Variants in CRAT observed in about 807,000 individuals in gnomAD.
CRAT encodes the protein carnitine O-acetyltransferase.
A neutral mutation model predicts 73.7 loss-of-function variants in CRAT; 66 were observed. The observed-to-expected ratio is 0.90, with a 90% CI of 0.73 to 1.10. CRAT has a LOEUF of 1.10. Among genes scored for constraint, CRAT ranks in the 50% least tolerant of loss-of-function variants. The pLI is 0.00. For synonymous variants in CRAT, 321 were observed against 343.2 expected (o/e 0.94, Z 0.71); for missense variants, 745 against 846.9 (o/e 0.88, Z 1.49).
chr9:129,105,303 G>T (rs113677366), intron 2 of CRAT, among the ~76,000 whole-genome samples: 1 of 152,054 alleles, frequency 6.6e-6, no homozygotes, highest in African/African-American at 2.4e-5. Context: ...AAAGGGAAGG[G>T]TCTACAAAAA....
At chr9:129,098,195 C>T (rs1847412547) in intron 10 of CRAT, 47 bp from the exon 11 acceptor site, 1 of 1,612,650 alleles carries the variant, frequency 6.2e-7, no homozygotes, top group African/African-American at 1.3e-5. Context: ...CGGGCACCCC[C>T]TCCCCTGCCC....
intron 1 of CRAT, chr9:129,109,064 TGA>T: frequency 7.9e-7 from 1 of 1,262,446 alleles, no homozygotes; most frequent in South Asian, 1.4e-5. Context: ...GGGGAGCAGG[TGA>T]GAGGGCTAGT....
intron 1 of CRAT, 113 bp from the exon 2 acceptor site, chr9:129,108,190 C>A: frequency 7.4e-7 from 1 of 1,360,494 alleles, no homozygotes; most frequent in Admixed American, 2.9e-5. Flanking sequence ...GAGACGGCCT[C>A]TTGGGTGGGG....
Position 129,103,315 on chromosome 9 carries a change from A to T in CRAT, c.411-249T>A, listed in dbSNP as rs1211684876. Reference sequence around the variant, plus strand: ...TGCTGGTGGCCAAGGGCCTAGTAGGACTTGGGTGCTGGCCCCCTGCAGCTG... The same window carrying T: ...TGCTGGTGGCCAAGGGCCTAGTAGGTCTTGGGTGCTGGCCCCCTGCAGCTG... On this transcript the variant is annotated intron_variant, in intron 3 of 13. Transcript: ENST00000318080. This position sits in a 1 kb window ranked among gnomAD's most constrained non-coding sequence, Gnocchi z 4.6. Among the ~76,000 whole-genome samples, 1 of 152,108 alleles carries T rather than the reference A, an allele frequency of 6.6e-6. No homozygotes were observed. The highest frequency in any genetic ancestry group is 1.5e-5 in the Non-Finnish European group (1 of 68,008).
At chr9:129,108,591 G>T in intron 1 of CRAT, 1 of 1,070,182 alleles carries the variant, frequency 9.3e-7, no homozygotes, top group Non-Finnish European at 1.2e-6. Flanking sequence ...GATGGGGCAG[G>T]GGTGGGGTGA....
At position 129,099,876 on chromosome 9, in the gene CRAT, T is replaced by C. The variant is rs373965338; in HGVS notation, c.1075A>G (p.Ile359Val). 1 of 1,613,276 alleles carries C rather than the reference T, an allele frequency of 6.2e-7. No homozygotes were observed. Among genetic ancestry groups the C allele is most frequent in the Non-Finnish European group, 8.5e-7 (1 of 1,179,576 alleles). ...TGTGACTGTACTCACGTGTACTCGA[T>C]GACATAGTCCAGAAGGGTGACAATA... is the stretch of plus-strand genomic sequence containing the variant. ...PPIVTLLDYVIEYTKKPELVR... is the reference protein window; with the variant it reads ...PPIVTLLDYVVEYTKKPELVR... The change falls in exon 8 of 14, where the codon ATC becomes GTC. Residue 359 changes from isoleucine to valine, a missense_variant. Coordinates refer to ENST00000318080, the MANE Select transcript of CRAT (RefSeq NM_000755.5).
chr9:129,108,297 G>T, intron 1 of CRAT: 1 of 1,084,486 alleles, frequency 9.2e-7, no homozygotes, highest in Non-Finnish European at 1.2e-6. Flanking sequence ...GTGTGGCCAT[G>T]GTTCTTAGCA....
In CRAT at chr9:129,104,168, C is replaced by G; in HGVS notation, c.410+20G>C. The G allele has an allele frequency of 6.3e-7, 1 of 1,588,330 alleles. No individual in the cohort carries two copies. The highest frequency in any genetic ancestry group is 8.6e-7 in the Non-Finnish European group (1 of 1,165,314). On this transcript the variant is annotated intron_variant, in intron 3 of 13. Coordinates refer to ENST00000318080, the MANE Select transcript of CRAT (RefSeq NM_000755.5). Reference sequence around the variant, plus strand: ...CGAGGGGCCCGGCTGCCTCCTGGCCCCCAAACCCCAGCCACTCACCGGAGC... The same window carrying G: ...CGAGGGGCCCGGCTGCCTCCTGGCCGCCAAACCCCAGCCACTCACCGGAGC...
At chr9:129,100,147 C>T in intron 7 of CRAT, 181 bp from the exon 8 acceptor site, 1 of 592,488 alleles carries the variant, frequency 1.7e-6, no homozygotes, top group South Asian at 2.1e-5. Flanking sequence ...AAGCACATCC[C>T]ACGCTCAGCG....
chr9:129,102,715 TG>T, intron 4 of CRAT, 150 bp from the exon 5 acceptor site: 1 of 966,306 alleles, frequency 1.0e-6, no homozygotes, highest in Non-Finnish European at 1.6e-6. Flanking sequence ...GGCTGTGCTG[TG>T]GGCAGGGGGC....
intron 8 of CRAT, among the ~76,000 whole-genome samples, chr9:129,099,311 T>A (rs1847507107): frequency 6.6e-6 from 1 of 151,828 alleles, no homozygotes; most frequent in South Asian, 2.1e-4. Flanking sequence ...CCTGGCTAAT[T>A]TTTGTAGAGA....
chr9:129,100,352 G>C, intron 7 of CRAT, 159 bp downstream of exon 7: 1 of 874,642 alleles, frequency 1.1e-6, no homozygotes, highest in Non-Finnish European at 1.7e-6. Context: ...TGACAGGCTG[G>C]CTGCCTGGTA....
At chr9:129,095,724 G>T in intron 13 of CRAT, 112 bp from the exon 14 acceptor site, 2 of 1,148,096 alleles carry the variant, frequency 1.7e-6, no homozygotes, top group Non-Finnish European at 2.5e-6. Flanking sequence ...CAGGGATCAT[G>T]GTCTGTCCCC....
Position 129,095,466 on chromosome 9 carries a change from C to T in CRAT, c.1812G>A (p.Ala604=), listed in dbSNP as rs925634795. ...CCAGGAGCGCCTTCTCCAGGTAATG[C>T]GCCAGGCGGGCGGCGTTGGTCTCCG... ...SCAETNAARL[A]HYLEKALLDM... The change falls in exon 14 of 14, where the codon GCG becomes GCA. Residue 604 remains alanine (A), a synonymous_variant. Transcript: ENST00000318080. 5.6e-6 allele frequency: 9 copies of T among 1,613,298 alleles called. No individual in the cohort carries two copies. The highest frequency in any genetic ancestry group is 3.3e-5 in the South Asian group (3 of 91,090).
chr9:129,107,453 G>A lies in CRAT; in HGVS notation c.291+361C>T, dbSNP rs367911314. 1.1e-4 allele frequency: 64 copies of A among 597,592 alleles called. 1 individual carries two copies. The African/African-American group carries it at 1.1e-3, about 10-fold the overall frequency. The allele number at this position is 597,592 out of a possible 1,614,324, so 37.0% of individuals were successfully genotyped here. A position where few individuals can be genotyped will look rare whatever the true frequency, so the allele number is the denominator to read the frequency against. ...GTCATAGATCAGATACAGAACCTGG[G>A]CGATCGGTCACTGAGTGACACATAT... On this transcript the variant is annotated intron_variant, in intron 2 of 13. Coordinates refer to ENST00000318080, the MANE Select transcript of CRAT (RefSeq NM_000755.5). The surrounding 1 kb of genome is among the most constrained non-coding windows in gnomAD (Gnocchi z 5.0).
chr9:129,106,052 G>C lies in CRAT; in HGVS notation c.292-1746C>G, dbSNP rs1209734709. Among the ~76,000 whole-genome samples the C allele has an allele frequency of 6.6e-6, 1 of 152,102 alleles. No homozygotes were observed. The highest frequency in any genetic ancestry group is 2.4e-5 in the African/African-American group (1 of 41,402). Reference sequence around the variant, plus strand: ...GGGCCCACCTGCGCCCCCTCAACCCGTGGTGAACAGCAGCAGGATGCGCCT... The same window carrying C: ...GGGCCCACCTGCGCCCCCTCAACCCCTGGTGAACAGCAGCAGGATGCGCCT... On this transcript the variant is annotated intron_variant, in intron 2 of 13. Coordinates refer to ENST00000318080, the MANE Select transcript of CRAT (RefSeq NM_000755.5). The surrounding 1 kb of genome is among the most constrained non-coding windows in gnomAD (Gnocchi z 4.0).
At chr9:129,105,012 T>A (rs1847928453) in intron 2 of CRAT, among the ~76,000 whole-genome samples, 1 of 149,458 alleles carries the variant, frequency 6.7e-6, no homozygotes, top group Non-Finnish European at 1.5e-5. Flanking sequence ...GCCATTCTCC[T>A]GCCTCAGCCT....
At position 129,100,533 on chromosome 9, in the gene CRAT, C is replaced by T. The variant is rs138665095; in HGVS notation, c.962G>A (p.Arg321His). ...GGGSRLNSGNRWFDKTLQFIV... is the reference protein window; with the variant it reads ...GGGSRLNSGNHWFDKTLQFIV... Reference sequence around the variant, plus strand: ...CACCTGCAGCGTCTTGTCGAACCAGCGGTTGCCGCTGTTGAGCCTGCTGCC... The same window carrying T: ...CACCTGCAGCGTCTTGTCGAACCAGTGGTTGCCGCTGTTGAGCCTGCTGCC... Residue 321 changes from arginine to histidine, a missense_variant, in exon 7 of 14, where the codon CGC becomes CAC. By Grantham distance (29) the Arg-to-His change is conservative. Coordinates refer to ENST00000318080, the MANE Select transcript of CRAT (RefSeq NM_000755.5). The T allele has an allele frequency of 1.7e-5, 27 of 1,613,384 alleles. No individual in the cohort carries two copies. In the East Asian group the frequency reaches 4.2e-4, roughly 25 times the overall value.
chr9:129,095,147 G>A lies in CRAT; in HGVS notation c.*250C>T, dbSNP rs1443789448. 13 of 554,824 alleles carry A rather than the reference G, an allele frequency of 2.3e-5. No individual in the cohort carries two copies. The highest frequency in any genetic ancestry group is 3.2e-5 in the Admixed American group (1 of 31,718). The allele number at this position is 554,824 out of a possible 1,614,324, so 34.4% of individuals were successfully genotyped here. ...CCGGTGGAGGACGTGCCAGGGGCCC[G>A]GGCCTAACGTCCTGCTCAGCCTCTG... On this transcript the variant is annotated 3_prime_UTR_variant, in exon 14 of 14. Coordinates refer to ENST00000318080, the MANE Select transcript of CRAT (RefSeq NM_000755.5).
Sources: allele counts gnomAD v4.1 joint callset (sites outside exome capture counted in the v4.1 genomes callset), GRCh38; gene constraint gnomAD v4.1.1; non-coding constraint Gnocchi (gnomAD v3.1); transcripts MANE v1.5; gene names NCBI Gene and HGNC (gene_info 2026-07-23, HGNC 2026-07-21).